The following SLC25A21 variants were observed in gnomAD, a reference collection of about 807,000 sequenced individuals.
SLC25A21 encodes solute carrier family 25 member 21, also known as mitochondrial 2-oxodicarboxylate carrier.
A neutral mutation model predicts 43.8 loss-of-function variants in SLC25A21; 47 were observed. The ratio of observed to expected loss-of-function variants is 1.07; its 90% CI spans 0.85 to 1.37. The LOEUF (loss-of-function observed/expected upper bound fraction) is 1.37. Among genes scored for constraint, SLC25A21 ranks in the 40% most tolerant of loss-of-function variants. SLC25A21 has a pLI of 0.00. For missense variants in SLC25A21, 352 were observed against 350.2 expected (o/e 1.00, Z -0.04); for synonymous variants, 131 against 121.3 (o/e 1.08, Z -0.52).
rs772281216 is a variant in SLC25A21 at position 36,801,977 on chromosome 14, C to T, written c.203+11941G>A. Reference sequence around the variant, plus strand: ...AGTGCCATTCAGCATCATTTGCCAGCGGCGAAGTGCCCGAATCTAAAAACT... The same window carrying T: ...AGTGCCATTCAGCATCATTTGCCAGTGGCGAAGTGCCCGAATCTAAAAACT... On this transcript the variant is annotated intron_variant, in intron 3 of 9. Coordinates refer to ENST00000331299, the MANE Select transcript of SLC25A21 (RefSeq NM_030631.4). Among the ~76,000 whole-genome samples the T allele has an allele frequency of 1.6e-4, 24 of 152,246 alleles. No individual in the cohort carries two copies. In the Middle Eastern group the frequency reaches 0.014, roughly 87 times the overall value.
intron 1 of SLC25A21, among the ~76,000 whole-genome samples, chr14:37,030,359 C>G (rs1961184848): frequency 6.6e-6 from 1 of 152,026 alleles, no homozygotes; most frequent in African/African-American, 2.4e-5. Flanking sequence ...AAACCCGGGT[C>G]GTTTGAGGGT....
At chr14:36,837,641 G>C (rs899961558) in intron 2 of SLC25A21, among the ~76,000 whole-genome samples, 1 of 152,138 alleles carries the variant, frequency 6.6e-6, no homozygotes, top group Admixed American at 6.5e-5. Flanking sequence ...GCTACAGCTG[G>C]AGTAAGTAGG....
chr14:37,080,555 G>A (rs1221357498), intron 1 of SLC25A21, among the ~76,000 whole-genome samples: 4 of 152,166 alleles, frequency 2.6e-5, no homozygotes, highest in Non-Finnish European at 4.4e-5. Flanking sequence ...AGCCATGATC[G>A]TGCCACTGCA....
chr14:37,030,926 T>C (rs765784830), intron 1 of SLC25A21, among the ~76,000 whole-genome samples: 4 of 152,160 alleles, frequency 2.6e-5, no homozygotes, highest in Non-Finnish European at 4.4e-5. Flanking sequence ...TCTACCTCCT[T>C]TGTTTCCTTT....
chr14:36,897,511 C>T (rs1891277546), intron 1 of SLC25A21, among the ~76,000 whole-genome samples: 1 of 152,022 alleles, frequency 6.6e-6, no homozygotes, highest in Non-Finnish European at 1.5e-5. Flanking sequence ...GTAGTTTGAT[C>T]GTCTGAAGCC....
intron 1 of SLC25A21, among the ~76,000 whole-genome samples, chr14:37,078,658 T>C (rs1744214175): frequency 6.6e-6 from 1 of 152,118 alleles, no homozygotes; most frequent in Non-Finnish European, 1.5e-5. Flanking sequence ...AAGATCCCTA[T>C]CTCCAAAGGA....
At chr14:37,165,656 C>T (rs1266349161) in intron 1 of SLC25A21, among the ~76,000 whole-genome samples, 1 of 152,072 alleles carries the variant, frequency 6.6e-6, no homozygotes, top group Admixed American at 6.6e-5. Context: ...GGAAGCCTGA[C>T]AGGTCCTAGT....
chr14:37,008,024 A>G (rs6571771), intron 1 of SLC25A21, among the ~76,000 whole-genome samples: 64,345 of 151,608 alleles, frequency 0.42, 15,893 homozygotes, highest in African/African-American at 0.69. Context: ...GCAGGCAACC[A>G]CTACTACGGC....
At chr14:36,842,261 A>G (rs1889407507) in intron 2 of SLC25A21, among the ~76,000 whole-genome samples, 1 of 152,160 alleles carries the variant, frequency 6.6e-6, no homozygotes, top group Admixed American at 6.5e-5. Context: ...ACCTGGGGCA[A>G]TGATATGCCC....
chr14:36,896,973 T>A (rs113775186), intron 1 of SLC25A21, among the ~76,000 whole-genome samples: 10 of 152,170 alleles, frequency 6.6e-5, no homozygotes, highest in African/African-American at 1.2e-4. Context: ...CCCTTAACAT[T>A]TTTTACTTCA....
At chr14:36,824,184 A>C (rs1888736036) in intron 2 of SLC25A21, among the ~76,000 whole-genome samples, 1 of 152,212 alleles carries the variant, frequency 6.6e-6, no homozygotes, top group Non-Finnish European at 1.5e-5. Flanking sequence ...CTTTTCAATA[A>C]TATCAAAGAA....
chr14:37,007,677 C>A (rs1382966175), intron 1 of SLC25A21, among the ~76,000 whole-genome samples: 1 of 151,590 alleles, frequency 6.6e-6, no homozygotes, highest in South Asian at 2.1e-4. Flanking sequence ...AAATCTATTT[C>A]TCTTGGTAAG....
intron 2 of SLC25A21, among the ~76,000 whole-genome samples, chr14:36,841,104 T>C (rs568210937): frequency 6.6e-6 from 1 of 152,258 alleles, no homozygotes; most frequent in African/African-American, 2.4e-5. Context: ...TTGAGTTTCT[T>C]GGAGTATAAC....
chr14:36,949,812 T>C (rs1022528560), intron 1 of SLC25A21, among the ~76,000 whole-genome samples: 1 of 152,226 alleles, frequency 6.6e-6, no homozygotes, highest in African/African-American at 2.4e-5. Context: ...CTCTGAGACT[T>C]TTAGCCTTCA....
intron 3 of SLC25A21, among the ~76,000 whole-genome samples, chr14:36,752,358 C>T (rs537457499): frequency 6.6e-6 from 1 of 152,168 alleles, no homozygotes; most frequent in Non-Finnish European, 1.5e-5. Flanking sequence ...AGAAATCAAA[C>T]ATAGATTTAC....
intron 7 of SLC25A21, among the ~76,000 whole-genome samples, chr14:36,696,789 T>A (rs1883043490): frequency 2.0e-5 from 3 of 152,192 alleles, no homozygotes; most frequent in Non-Finnish European, 4.4e-5. Flanking sequence ...TCTATTTGAT[T>A]CTTCTCTCTT....
At chr14:36,864,792 G>A (rs1335955132) in intron 2 of SLC25A21, among the ~76,000 whole-genome samples, 1 of 152,160 alleles carries the variant, frequency 6.6e-6, no homozygotes, top group Non-Finnish European at 1.5e-5. Flanking sequence ...CAGTGGTCTA[G>A]TCCTGAATTT....
chr14:37,059,158 AATAACAGTAATAGTCCAC>A (rs1165720463), intron 1 of SLC25A21, among the ~76,000 whole-genome samples: 1 of 152,260 alleles, frequency 6.6e-6, no homozygotes, highest in Non-Finnish European at 1.5e-5. Flanking sequence ...AAGAAATTCA[AATAACAGTAATAGTCCAC>A]ATTTACAGAG....
chr14:36,878,724 AAAG>A (rs984871673), intron 1 of SLC25A21, among the ~76,000 whole-genome samples: 3 of 152,216 alleles, frequency 2.0e-5, no homozygotes, highest in African/African-American at 4.8e-5. Context: ...CTAACATAGA[AAAG>A]AAGATGACTC....
Sources: allele counts gnomAD v4.1 joint callset (sites outside exome capture counted in the v4.1 genomes callset), GRCh38; gene constraint gnomAD v4.1.1; transcripts MANE v1.5; gene names NCBI Gene and HGNC (gene_info 2026-07-23, HGNC 2026-07-21).